Variants in CACNG2 observed in about 807,000 individuals in gnomAD.
CACNG2 encodes the protein voltage-dependent calcium channel gamma-2 subunit.
In CACNG2, 3 loss-of-function variants were observed where a neutral mutation model predicts 25.9. That is an observed-to-expected ratio of 0.12 (90% CI 0.05 to 0.30). The LOEUF is 0.30. CACNG2 is among the 10% of genes least tolerant of loss of function. The pLI is 1.00. For missense variants in CACNG2, 341 were observed against 432.5 expected (o/e 0.79, Z 1.88); for synonymous variants, 167 against 173.3 (o/e 0.96, Z 0.29).
At chr22:36,666,071 G>A (rs1936870818) in intron 1 of CACNG2, among the ~76,000 whole-genome samples, 1 of 152,210 alleles carries the variant, frequency 6.6e-6, no homozygotes, top group Admixed American at 6.5e-5. Flanking sequence ...CACCATGGAT[G>A]AAACTTGAGG....
At chr22:36,653,394 CTT>C (rs1936650297) in intron 1 of CACNG2, among the ~76,000 whole-genome samples, 2 of 152,180 alleles carry the variant, frequency 1.3e-5, no homozygotes, top group African/African-American at 4.8e-5. Flanking sequence ...TCACATAAAA[CTT>C]TGAATATTTG....
chr22:36,629,525 CGTGT>C (rs1025100134), intron 1 of CACNG2, among the ~76,000 whole-genome samples: 6 of 149,348 alleles, frequency 4.0e-5, no homozygotes, highest in Admixed American at 2.7e-4. Flanking sequence ...TGTGTGTGTT[CGTGT>C]GTATGTGTGT....
intron 1 of CACNG2, among the ~76,000 whole-genome samples, chr22:36,691,446 C>A (rs1937267317): frequency 6.6e-6 from 1 of 152,134 alleles, no homozygotes; most frequent in South Asian, 2.1e-4. Context: ...CCCCACCCTG[C>A]CCTGGATAAG....
rs1032406203 is a variant in CACNG2 at position 36,563,370 on chromosome 22, G to A, written c.*981C>T. Among the ~76,000 whole-genome samples the A allele has an allele frequency of 4.6e-5, 2 of 43,068 alleles. No homozygotes were observed. Among genetic ancestry groups the A allele is most frequent in the Non-Finnish European group, 6.8e-5 (1 of 14,646 alleles). The allele number at this position is 43,068 out of a possible 152,430, so 28.3% of individuals were successfully genotyped here. On this transcript the variant is annotated 3_prime_UTR_variant, in exon 4 of 4. Coordinates refer to ENST00000300105, the MANE Select transcript of CACNG2 (RefSeq NM_006078.5). ...GGAGAGCTGTTTCATGTCCCCCGGG[G>A]GGGGGGGTGGCATCTCCTGACCCCA... is the stretch of plus-strand genomic sequence containing the variant.
chr22:36,564,572 C>A lies in CACNG2; in HGVS notation c.751G>T (p.Asp251Tyr). ...CCCTTGATGCCCACGGGGGAGGCGT[C>A]CCTGGAGTGTGAGGGCTCCGTGGAG... The part of the protein sequence containing the change: ...SRSTEPSHSR[D>Y]ASPVGIKGFN... Residue 251 changes from aspartate to tyrosine, a missense_variant, in exon 4 of 4, where the codon GAC becomes TAC. This residue lies in a region of CACNG2 where 172 missense variants were observed against 178.1 expected (regional missense o/e 0.97). Transcript: ENST00000300105. This position sits in a 1 kb window ranked among gnomAD's most constrained non-coding sequence, Gnocchi z 6.7. 6.2e-7 allele frequency: 1 copy of A among 1,614,076 alleles called. No individual in the cohort carries two copies. Among genetic ancestry groups the A allele is most frequent in the Non-Finnish European group, 8.5e-7 (1 of 1,179,978 alleles).
intron 1 of CACNG2, among the ~76,000 whole-genome samples, chr22:36,690,459 T>G (rs1471661630): frequency 6.6e-6 from 1 of 152,224 alleles, no homozygotes; most frequent in African/African-American, 2.4e-5. Flanking sequence ...AATCACCCTT[T>G]GCAACTGCTA....
chr22:36,605,581 C>A (rs1935818831), intron 1 of CACNG2, among the ~76,000 whole-genome samples: 1 of 152,166 alleles, frequency 6.6e-6, no homozygotes, highest in Non-Finnish European at 1.5e-5. Flanking sequence ...TGCCACTGAA[C>A]CTGAGCGTTG....
At chr22:36,629,309 AC>A (rs1936232092) in intron 1 of CACNG2, among the ~76,000 whole-genome samples, 1 of 152,152 alleles carries the variant, frequency 6.6e-6, no homozygotes, top group South Asian at 2.1e-4. Flanking sequence ...ATAGGCAGTC[AC>A]CCAGTGCCTT....
chr22:36,688,961 G>T (rs1937236552), intron 1 of CACNG2, among the ~76,000 whole-genome samples: 1 of 152,142 alleles, frequency 6.6e-6, no homozygotes, highest in Non-Finnish European at 1.5e-5. Flanking sequence ...TCATCCTTTT[G>T]GGGACAGTCT....
chr22:36,594,016 C>T (rs184384339), intron 1 of CACNG2, among the ~76,000 whole-genome samples: 196 of 152,228 alleles, frequency 1.3e-3, no homozygotes, highest in African/African-American at 4.6e-3. Context: ...GATTTCATTT[C>T]CCTAAGGCCA....
chr22:36,607,142 A>G (rs1373867751), intron 1 of CACNG2, among the ~76,000 whole-genome samples: 1 of 152,144 alleles, frequency 6.6e-6, no homozygotes, highest in Non-Finnish European at 1.5e-5. Flanking sequence ...GCAAGACCAG[A>G]AGCCATGGGC....
intron 2 of CACNG2, among the ~76,000 whole-genome samples, chr22:36,577,377 C>A (rs997810689): frequency 6.6e-6 from 1 of 152,060 alleles, no homozygotes; most frequent in Non-Finnish European, 1.5e-5. Flanking sequence ...CGGGGCCGGG[C>A]GCGGTGGTTC....
At position 36,702,629 on chromosome 22, in the gene CACNG2, T is replaced by C; in HGVS notation, c.-53A>G. On this transcript the variant is annotated 5_prime_UTR_variant, in exon 1 of 4. Transcript: ENST00000300105. ...GACTTCTGGTTCTCGGGAGAGTGTG[T>C]GTGAGGGTGCAAGTACTAAAGCCAA... 6.8e-7 allele frequency: 1 copy of C among 1,461,320 alleles called. No individual in the cohort carries two copies. 90.5% of individuals were successfully genotyped at this position (1,461,320 alleles called of 1,614,324 possible).
intron 1 of CACNG2, among the ~76,000 whole-genome samples, chr22:36,607,969 A>C (rs1016219785): frequency 2.6e-5 from 4 of 152,202 alleles, no homozygotes; most frequent in Non-Finnish European, 4.4e-5. Context: ...AGGGTGAGAC[A>C]TCTAGGGTGC....
intron 2 of CACNG2, among the ~76,000 whole-genome samples, chr22:36,576,249 T>C: frequency 6.6e-6 from 1 of 152,206 alleles, no homozygotes. Flanking sequence ...GATCGGAGAC[T>C]ATTATTCTAA....
intron 2 of CACNG2, among the ~76,000 whole-genome samples, chr22:36,571,441 A>G (rs548305283): frequency 2.6e-5 from 4 of 152,044 alleles, no homozygotes; most frequent in South Asian, 2.1e-4. Flanking sequence ...TGGGTGACGG[A>G]GCGAGGTTCC....
Position 36,621,391 on chromosome 22 carries a change from G to A in CACNG2, c.212-33843C>T, listed in dbSNP as rs183985214. 2.6e-3 allele frequency among the ~76,000 whole-genome samples: 390 copies of A among 152,064 alleles called. 3 individuals are homozygous for A. Among genetic ancestry groups the A allele is most frequent in the African/African-American group, 8.9e-3 (371 of 41,474 alleles). On this transcript the variant is annotated intron_variant, in intron 1 of 3. Transcript: ENST00000300105. ...TTGAGACCAACCCGGCCCACATGGC[G>A]AAACCTCATCTCTACTAAAAATACA...
At chr22:36,618,425 A>C (rs1056449431) in intron 1 of CACNG2, among the ~76,000 whole-genome samples, 1 of 152,232 alleles carries the variant, frequency 6.6e-6, no homozygotes, top group Admixed American at 6.5e-5. Context: ...TGGCAGCTGT[A>C]TGGCCTAAGC....
intron 3 of CACNG2, 92 bp downstream of exon 3, chr22:36,566,261 C>T (rs1935122441): frequency 1.6e-6 from 2 of 1,279,288 alleles, no homozygotes; most frequent in Non-Finnish European, 2.3e-6. Flanking sequence ...CCTCTCCTCT[C>T]TCCCCATCTC....
Sources: allele counts gnomAD v4.1 joint callset (sites outside exome capture counted in the v4.1 genomes callset), GRCh38; gene constraint gnomAD v4.1.1; regional missense constraint gnomAD v4.1.1; non-coding constraint Gnocchi (gnomAD v3.1); transcripts MANE v1.5; gene names NCBI Gene and HGNC (gene_info 2026-07-23, HGNC 2026-07-21).